Variants in RAPGEF1 observed in about 807,000 individuals in gnomAD.
The protein encoded by RAPGEF1 is CRK SH3-binding GNRP.
Under a neutral mutation model 143.3 loss-of-function variants are expected in RAPGEF1, and 33 were observed. The observed-to-expected ratio is 0.23, with a 90% CI of 0.17 to 0.31. RAPGEF1 has a LOEUF of 0.31. Among genes scored for constraint, RAPGEF1 ranks in the 10% least tolerant of loss-of-function variants. RAPGEF1 has a pLI of 1.00. For missense variants in RAPGEF1, 1,199 were observed against 1,645.4 expected, an observed-to-expected ratio of 0.73 and a Z score of 4.69; for synonymous variants, 629 against 676.5, an observed-to-expected ratio of 0.93 and a Z score of 1.09.
intron 12 of RAPGEF1, among the ~76,000 whole-genome samples, chr9:131,617,757 C>T (rs1409928632): frequency 6.6e-6 from 1 of 152,154 alleles, no homozygotes; most frequent in Non-Finnish European, 1.5e-5. Flanking sequence ...CAAGTAAAAT[C>T]CAGTCCCAAA....
Position 131,646,932 on chromosome 9 carries a change from C to G in RAPGEF1, c.315+3197G>C, listed in dbSNP as rs564161123. On this transcript the variant is annotated intron_variant, in intron 3 of 26. Coordinates refer to ENST00000683357, the MANE Select transcript of RAPGEF1 (RefSeq NM_001377935.1). ...CCACCAGGCTGTCCGGCAGCAGCAT[C>G]TCCCTGGAAGAGCTGAAGGGGAAAG... is the stretch of plus-strand genomic sequence containing the variant. Among the ~76,000 whole-genome samples the G allele has an allele frequency of 2.6e-5, 4 of 152,348 alleles. No individual in the cohort carries two copies. In the East Asian group the frequency reaches 7.7e-4, roughly 29 times the overall value.
At chr9:131,633,150 G>T (rs183417284) in intron 5 of RAPGEF1, among the ~76,000 whole-genome samples, 2 of 152,340 alleles carry the variant, frequency 1.3e-5, no homozygotes, top group African/African-American at 4.8e-5. Flanking sequence ...CTTAATACTT[G>T]CATGTTAGCA....
intron 1 of RAPGEF1, among the ~76,000 whole-genome samples, chr9:131,682,391 A>T (rs1043947256): frequency 6.6e-6 from 1 of 152,170 alleles, no homozygotes; most frequent in Non-Finnish European, 1.5e-5. Flanking sequence ...TCACCTCCGT[A>T]CAATGTCTGT....
chr9:131,668,473 A>G (rs1042960980), intron 1 of RAPGEF1, among the ~76,000 whole-genome samples: 4 of 152,166 alleles, frequency 2.6e-5, no homozygotes, highest in African/African-American at 7.2e-5. Context: ...GAGGGGAGGT[A>G]TTCTTATTAC....
intron 1 of RAPGEF1, chr9:131,737,339 C>T: frequency 6.2e-7 from 1 of 1,612,184 alleles, no homozygotes; most frequent in South Asian, 1.1e-5. Flanking sequence ...CTCTTCAGAG[C>T]CTAGCACAAA....
chr9:131,663,255 T>A (rs561103187), intron 1 of RAPGEF1, among the ~76,000 whole-genome samples: 3 of 152,168 alleles, frequency 2.0e-5, no homozygotes, highest in Non-Finnish European at 4.4e-5. Flanking sequence ...GAAACACACA[T>A]GCAAATTTAT....
intron 1 of RAPGEF1, among the ~76,000 whole-genome samples, chr9:131,680,246 A>G (rs1380448184): frequency 6.6e-6 from 1 of 152,200 alleles, no homozygotes; most frequent in Non-Finnish European, 1.5e-5. Flanking sequence ...TTGTCTTACC[A>G]CTTTTTTCTA....
At chr9:131,721,980 T>A (rs1315892703) in intron 1 of RAPGEF1, among the ~76,000 whole-genome samples, 2 of 152,222 alleles carry the variant, frequency 1.3e-5, no homozygotes, top group African/African-American at 4.8e-5. Context: ...CTGTAGTTTT[T>A]CACAGCTTCA....
rs1962972901 is a variant in RAPGEF1, at chr9:131,626,176, G to C, written c.1448C>G (p.Ser483Cys). ...LPEKKRRSAA[S>C]QTADGSGCRV... ...GCAGCCAGAGCCGTCCGCCGTCTGGGAGGCTGCGCTCCTGCGCTTCTTCTC... is the reference window on the plus strand; with the variant it reads ...GCAGCCAGAGCCGTCCGCCGTCTGGCAGGCTGCGCTCCTGCGCTTCTTCTC... The change falls in exon 10 of 27, where the codon TCC (serine) becomes TGC (cysteine). Residue 483 changes from serine to cysteine, a missense_variant. This residue lies in a region of RAPGEF1 where 613 missense variants were observed against 710.9 expected (regional missense o/e 0.86). Coordinates refer to ENST00000683357, the MANE Select transcript of RAPGEF1 (RefSeq NM_001377935.1). 6.2e-7 allele frequency: 1 copy of C among 1,613,980 alleles called. No individual in the cohort carries two copies. The highest frequency in any genetic ancestry group is 1.7e-5 in the Admixed American group (1 of 60,020).
chr9:131,726,834 T>C (rs1030959998), intron 1 of RAPGEF1, among the ~76,000 whole-genome samples: 21 of 152,012 alleles, frequency 1.4e-4, no homozygotes, highest in African/African-American at 4.8e-4. Flanking sequence ...AACCTGTCTC[T>C]ACAAAAAAAA....
Position 131,582,808 on chromosome 9 carries a change from C to T in RAPGEF1, c.3415-106G>A, listed in dbSNP as rs1200881008. 4.3e-5 allele frequency: 40 copies of T among 936,724 alleles called. No individual in the cohort carries two copies. The East Asian group carries it at 8.9e-4, about 21-fold the overall frequency. 58.0% of individuals were successfully genotyped at this position (936,724 alleles called of 1,614,324 possible). On this transcript the variant is annotated intron_variant, in intron 24 of 26. Coordinates refer to ENST00000683357, the MANE Select transcript of RAPGEF1 (RefSeq NM_001377935.1). ...CACTAACTGGAGGGTCAACCACCCT[C>T]TGCCCAACTCCACAGGTCCCACTAC...
At chr9:131,694,928 C>T (rs1834039772) in intron 1 of RAPGEF1, among the ~76,000 whole-genome samples, 1 of 150,890 alleles carries the variant, frequency 6.6e-6, no homozygotes, top group African/African-American at 2.4e-5. Flanking sequence ...AGGTATATCT[C>T]CTAATGCTAT....
chr9:131,649,200 A>ATTTTTTTTTTTTTTTT (rs55813422), intron 3 of RAPGEF1, among the ~76,000 whole-genome samples: 2 of 87,236 alleles, frequency 2.3e-5, no homozygotes, highest in African/African-American at 4.6e-5. Flanking sequence ...GCCTGGCTAA[A>ATTTTTTTTTTTTTTTT]TTTTTTTTTT....
intron 1 of RAPGEF1, among the ~76,000 whole-genome samples, chr9:131,681,461 G>T (rs1398335153): frequency 2.0e-5 from 3 of 152,162 alleles, no homozygotes; most frequent in Non-Finnish European, 4.4e-5. Context: ...ATTACTCAAA[G>T]AATTTAAACA....
intron 1 of RAPGEF1, among the ~76,000 whole-genome samples, chr9:131,661,900 T>A (rs1046328059): frequency 2.0e-5 from 3 of 152,224 alleles, no homozygotes; most frequent in African/African-American, 7.2e-5. Flanking sequence ...GGATCTTAAA[T>A]CACCAGTAAA....
chr9:131,604,908 G>A (rs938722584), intron 13 of RAPGEF1, 23 bp downstream of exon 13: 29 of 1,289,424 alleles, frequency 2.2e-5, no homozygotes, highest in African/African-American at 6.1e-5. Flanking sequence ...GTGTGTGTGT[G>A]TGTGTGCACG....
chr9:131,738,051 G>C (rs1837535861), intron 1 of RAPGEF1, among the ~76,000 whole-genome samples: 1 of 152,084 alleles, frequency 6.6e-6, no homozygotes, highest in Admixed American at 6.5e-5. Flanking sequence ...CTGGGCTCAA[G>C]TGATCCTCCT....
chr9:131,644,095 C>T (rs1386901579), intron 3 of RAPGEF1, among the ~76,000 whole-genome samples: 1 of 152,220 alleles, frequency 6.6e-6, no homozygotes, highest in African/African-American at 2.4e-5. Flanking sequence ...GCAGTGGGCG[C>T]TAGCAGCATT....
intron 3 of RAPGEF1, among the ~76,000 whole-genome samples, chr9:131,648,827 G>T (rs2133405091): frequency 6.6e-6 from 1 of 152,200 alleles, no homozygotes; most frequent in East Asian, 1.9e-4. Flanking sequence ...AAGATATTCT[G>T]CTGGTCAACA....
Sources: allele counts gnomAD v4.1 joint callset (sites outside exome capture counted in the v4.1 genomes callset), GRCh38; gene constraint gnomAD v4.1.1; regional missense constraint gnomAD v4.1.1; transcripts MANE v1.5; gene names NCBI Gene and HGNC (gene_info 2026-07-23, HGNC 2026-07-21).